ARHGAP22: variants seen among roughly 807,000 people sequenced by gnomAD.
ARHGAP22 encodes rho GTPase-activating protein 22.
Under a neutral mutation model 59.1 loss-of-function variants are expected in ARHGAP22, and 48 were observed. The observed-to-expected ratio is 0.81, with a 90% CI of 0.64 to 1.03. The LOEUF is 1.03. ARHGAP22 is among the 50% of genes least tolerant of loss of function. ARHGAP22 has a pLI of 0.00. For missense variants in ARHGAP22, 1,015 were observed against 958.7 expected (o/e 1.06, Z -0.78); for synonymous variants, 445 against 416.4 (o/e 1.07, Z -0.84).
chr10:48,513,435 C>T lies in ARHGAP22; in HGVS notation c.323-33671G>A, dbSNP rs138410106. ...GGAAGGGAAGACTATGGCAGAGTCA[C>T]AAACTTCCTAAGCAATGGAAGTGTG... is the stretch of plus-strand genomic sequence containing the variant. On this transcript the variant is annotated intron_variant, in intron 3 of 9. Coordinates refer to ENST00000249601, the MANE Select transcript of ARHGAP22 (RefSeq NM_021226.4). Among the ~76,000 whole-genome samples the T allele has an allele frequency of 2.3e-3, 347 of 152,330 alleles. 1 individual carries two copies. The highest frequency in any genetic ancestry group is 8.2e-3 in the African/African-American group (340 of 41,576).
At chr10:48,454,864 C>A (rs2046338721) in intron 6 of ARHGAP22, 138 bp downstream of exon 6, 11 of 1,201,802 alleles carry the variant, frequency 9.2e-6, no homozygotes, top group African/African-American at 1.5e-5. Context: ...CAGGCCCCCA[C>A]CACACCCCCA....
chr10:48,568,343 A>G (rs1311435135), intron 2 of ARHGAP22, among the ~76,000 whole-genome samples: 1 of 152,158 alleles, frequency 6.6e-6, no homozygotes, highest in Non-Finnish European at 1.5e-5. Flanking sequence ...GGGCAGCATG[A>G]GATCCTGGGA....
intron 5 of ARHGAP22, among the ~76,000 whole-genome samples, chr10:48,456,202 G>A (rs552297799): frequency 1.3e-4 from 20 of 152,160 alleles, no homozygotes; most frequent in Non-Finnish European, 2.1e-4. Context: ...AAGATGAGAC[G>A]GGGCCAGGAG....
chr10:48,512,280 CAG>C (rs757582858), intron 3 of ARHGAP22, among the ~76,000 whole-genome samples: 2 of 152,204 alleles, frequency 1.3e-5, no homozygotes, highest in African/African-American at 2.4e-5. Flanking sequence ...TAACATGAAA[CAG>C]ATACAAGAGC....
chr10:48,633,745 C>T (rs534636139), intron 1 of ARHGAP22, among the ~76,000 whole-genome samples: 118 of 152,270 alleles, frequency 7.7e-4, no homozygotes, highest in Non-Finnish European at 1.4e-3. Flanking sequence ...TGTGGACTTT[C>T]CACAAGAAAA....
chr10:48,479,902 A>C, intron 3 of ARHGAP22, 138 bp from the exon 4 acceptor site: 77 of 818,982 alleles, frequency 9.4e-5, no homozygotes, highest in Non-Finnish European at 1.2e-4. Flanking sequence ...CTTTTATCTC[A>C]CAGTCCATCC....
chr10:48,604,518 G>A (rs968850874), intron 1 of ARHGAP22, among the ~76,000 whole-genome samples: 2 of 152,234 alleles, frequency 1.3e-5, no homozygotes, highest in Non-Finnish European at 2.9e-5. Context: ...GTGGGGCGAA[G>A]TGTGCACACC....
At chr10:48,527,895 C>A (rs113004015) in intron 3 of ARHGAP22, among the ~76,000 whole-genome samples, 1 of 152,202 alleles carries the variant, frequency 6.6e-6, no homozygotes, top group African/African-American at 2.4e-5. Context: ...CAGCCCACCA[C>A]CAGGCACAGG....
At chr10:48,473,148 A>T (rs2048380682) in intron 4 of ARHGAP22, among the ~76,000 whole-genome samples, 1 of 152,256 alleles carries the variant, frequency 6.6e-6, no homozygotes, top group South Asian at 2.1e-4. Flanking sequence ...CATACAATGG[A>T]ATATTATTTG....
chr10:48,648,988 A>T (rs2062435657), intron 1 of ARHGAP22, among the ~76,000 whole-genome samples: 1 of 152,130 alleles, frequency 6.6e-6, no homozygotes, highest in Non-Finnish European at 1.5e-5. Context: ...CAAGGGTGGG[A>T]AGAAGAAGAG....
intron 3 of ARHGAP22, among the ~76,000 whole-genome samples, chr10:48,506,358 T>C (rs2052139222): frequency 6.6e-6 from 1 of 152,168 alleles, no homozygotes; most frequent in South Asian, 2.1e-4. Context: ...CTGCACAGCA[T>C]GAGACTGTGT....
intron 3 of ARHGAP22, among the ~76,000 whole-genome samples, chr10:48,509,339 G>A (rs546193120): frequency 3.9e-5 from 6 of 152,254 alleles, no homozygotes; most frequent in Non-Finnish European, 8.8e-5. Context: ...TCCCCAGTCA[G>A]TGGAGCAGAG....
chr10:48,453,968 C>T, intron 7 of ARHGAP22, 120 bp downstream of exon 7: 2 of 1,029,460 alleles, frequency 1.9e-6, no homozygotes, highest in Non-Finnish European at 3.0e-6. Context: ...TGAGGCTGTG[C>T]AGGGTGGGGA....
intron 2 of ARHGAP22, among the ~76,000 whole-genome samples, chr10:48,557,808 A>G (rs2057404747): frequency 6.6e-6 from 1 of 152,046 alleles, no homozygotes; most frequent in Non-Finnish European, 1.5e-5. Context: ...TCTGCCTCCC[A>G]CAGGTCAAGA....
intron 2 of ARHGAP22, among the ~76,000 whole-genome samples, chr10:48,578,158 C>G (rs968318103): frequency 2.0e-5 from 3 of 152,100 alleles, no homozygotes; most frequent in Non-Finnish European, 4.4e-5. Context: ...CTGTCCTGAG[C>G]TCCTTTTTTG....
At chr10:48,468,843 C>G (rs2047962372) in intron 4 of ARHGAP22, among the ~76,000 whole-genome samples, 2 of 152,114 alleles carry the variant, frequency 1.3e-5, no homozygotes, top group South Asian at 4.1e-4. Context: ...GGCCGCGGAG[C>G]TGTTTTCTCC....
chr10:48,638,793 A>G (rs1026131070), intron 1 of ARHGAP22, among the ~76,000 whole-genome samples: 6 of 152,226 alleles, frequency 3.9e-5, no homozygotes, highest in Non-Finnish European at 8.8e-5. Flanking sequence ...ACAAAGGGAT[A>G]ATGGCAATAA....
At chr10:48,615,791 G>C (rs1052192454) in intron 1 of ARHGAP22, among the ~76,000 whole-genome samples, 3 of 152,098 alleles carry the variant, frequency 2.0e-5, no homozygotes, top group Non-Finnish European at 4.4e-5. Context: ...CTTCGATACA[G>C]AGAAATTATA....
intron 3 of ARHGAP22, among the ~76,000 whole-genome samples, chr10:48,529,403 G>C (rs1020339751): frequency 6.6e-6 from 1 of 152,180 alleles, no homozygotes; most frequent in African/African-American, 2.4e-5. Context: ...GAAGGTAGCA[G>C]AAGTGACTCT....
Sources: gnomAD v4.1 joint callset for allele counts (sites outside exome capture counted in the v4.1 genomes callset) on GRCh38, gnomAD v4.1.1 for gene constraint, MANE v1.5 for transcripts, NCBI Gene and HGNC (gene_info 2026-07-23, HGNC 2026-07-21) for gene names.